WDR41: variants seen among roughly 807,000 people sequenced by gnomAD.
The protein encoded by WDR41 is WD repeat domain 41.
WDR41 carries 63 observed loss-of-function variants against 69.3 expected under a neutral mutation model. That is an observed-to-expected ratio of 0.91 (90% CI 0.74 to 1.12). The LOEUF (loss-of-function observed/expected upper bound fraction) is 1.12. Ranked by LOEUF, WDR41 falls within the 50% of genes most tolerant of loss-of-function variation. The pLI, the probability that WDR41 is intolerant of heterozygous loss-of-function variation, is 0.00. For missense variants in WDR41, 543 were observed against 534.5 expected, an observed-to-expected ratio of 1.02 and a Z score of -0.16; for synonymous variants, 185 against 192.1, an observed-to-expected ratio of 0.96 and a Z score of 0.31.
At chr5:77,568,128 T>C (rs1743669461) in intron 1 of WDR41, among the ~76,000 whole-genome samples, 1 of 152,118 alleles carries the variant, frequency 6.6e-6, no homozygotes, top group African/African-American at 2.4e-5. Context: ...CCAGGGTATA[T>C]AGAGCTTTAA....
At chr5:77,438,870 C>CA (rs1182486443) in intron 9 of WDR41, among the ~76,000 whole-genome samples, 6 of 152,076 alleles carry the variant, frequency 3.9e-5, no homozygotes, top group Non-Finnish European at 5.9e-5. Flanking sequence ...CTGAAGGTTT[C>CA]AAAAAACATT....
In WDR41 at chr5:77,433,192, G is replaced by A; in HGVS notation, c.1323C>T (p.Arg441=). ...CTAATTTTTGAAATAATCTTAAACT[G>A]CGCAATCCAGATTCTCGCTCTCCAT... ...WKNGERESGL[R]SLRLFQKLEE... is the part of the protein sequence containing the mutation. The change falls in exon 13 of 13, where the codon CGC becomes CGT. Residue 441 remains arginine, a synonymous_variant. Transcript: ENST00000296679. 6.2e-7 allele frequency: 1 copy of A among 1,613,950 alleles called. No individual in the cohort carries two copies. The highest frequency in any genetic ancestry group is 8.5e-7 in the Non-Finnish European group (1 of 1,179,940).
At chr5:77,435,428 A>AG (rs1474884100) in intron 12 of WDR41, among the ~76,000 whole-genome samples, 1 of 152,198 alleles carries the variant, frequency 6.6e-6, no homozygotes, top group Non-Finnish European at 1.5e-5. Context: ...AAGATCCATG[A>AG]GGGCAAGGAC....
chr5:77,465,998 A>G (rs1800289378), intron 2 of WDR41, among the ~76,000 whole-genome samples: 1 of 151,996 alleles, frequency 6.6e-6, no homozygotes, highest in Non-Finnish European at 1.5e-5. Flanking sequence ...TTCTTATTTC[A>G]AAATCCTTTG....
intron 1 of WDR41, among the ~76,000 whole-genome samples, chr5:77,502,365 A>G (rs904301042): frequency 1.3e-4 from 20 of 152,184 alleles, no homozygotes; most frequent in African/African-American, 4.8e-4. Flanking sequence ...GAAATATGGG[A>G]CTATGTGAAA....
chr5:77,474,509 G>T lies in WDR41; in HGVS notation c.168-9700C>A, dbSNP rs532089470. ...GAACTACTTGAAGAAAATTAGAGAA[G>T]CATCCAGATAGGGACTTGTAAAGGA... On this transcript the variant is annotated intron_variant, in intron 2 of 12. Transcript: ENST00000296679. Among the ~76,000 whole-genome samples the T allele has an allele frequency of 3.3e-5, 5 of 152,228 alleles. No individual in the cohort carries two copies. In the South Asian group the frequency reaches 1.0e-3, roughly 32 times the overall value.
At chr5:77,594,997 G>A (rs4518368) in intron 1 of WDR41, among the ~76,000 whole-genome samples, 34,585 of 151,962 alleles carry the variant, frequency 0.23, 4,809 homozygotes, top group African/African-American at 0.36. Flanking sequence ...ATGAGGAAAC[G>A]AGGGTTTATC....
At chr5:77,564,821 C>G (rs1056140302) in intron 1 of WDR41, among the ~76,000 whole-genome samples, 7 of 152,046 alleles carry the variant, frequency 4.6e-5, no homozygotes, top group Non-Finnish European at 7.4e-5. Flanking sequence ...CTACCATATA[C>G]TCAAACTCAA....
chr5:77,539,887 A>C (rs181355822), intron 1 of WDR41, among the ~76,000 whole-genome samples: 24 of 152,276 alleles, frequency 1.6e-4, no homozygotes, highest in African/African-American at 5.5e-4. Context: ...GGATTCTAAG[A>C]TGGTACCTAA....
intron 1 of WDR41, among the ~76,000 whole-genome samples, chr5:77,570,143 G>A (rs772522160): frequency 9.2e-5 from 14 of 152,146 alleles, no homozygotes; most frequent in Admixed American, 2.0e-4. Flanking sequence ...CTCCAACACA[G>A]CTATTTGATA....
chr5:77,468,343 T>C (rs1800398007), intron 2 of WDR41, among the ~76,000 whole-genome samples: 2 of 152,118 alleles, frequency 1.3e-5, no homozygotes, highest in South Asian at 2.1e-4. Context: ...TGTGATGCTA[T>C]AGGGTCTAGA....
intron 1 of WDR41, among the ~76,000 whole-genome samples, chr5:77,551,064 A>C (rs750168458): frequency 6.6e-6 from 1 of 152,130 alleles, no homozygotes; most frequent in Non-Finnish European, 1.5e-5. Context: ...AAGGAGAGAG[A>C]GAGGGGAGTA....
chr5:77,444,806 C>T (rs1051692822), intron 8 of WDR41, among the ~76,000 whole-genome samples: 1 of 152,208 alleles, frequency 6.6e-6, no homozygotes, highest in Non-Finnish European at 1.5e-5. Context: ...TAACAGACTA[C>T]TTGGTCATGT....
At chr5:77,445,696 C>G (rs957540636) in intron 8 of WDR41, among the ~76,000 whole-genome samples, 30 of 152,270 alleles carry the variant, frequency 2.0e-4, no homozygotes, top group Non-Finnish European at 3.7e-4. Flanking sequence ...TTAATAGATG[C>G]AGAAAAGGCC....
At chr5:77,517,657 T>TATATATATATATAC (rs1491454629) in intron 1 of WDR41, among the ~76,000 whole-genome samples, 1 of 136,656 alleles carries the variant, frequency 7.3e-6, no homozygotes, top group Non-Finnish European at 1.6e-5. Flanking sequence ...TATATATATA[T>TATATATATATATAC]ACCAGGCTAA....
In WDR41 at chr5:77,481,997, T is replaced by C. The variant is rs532973312; in HGVS notation, c.167+7460A>G. Among the ~76,000 whole-genome samples, 10 of 152,336 alleles carry C rather than the reference T, an allele frequency of 6.6e-5. No homozygotes were observed. The East Asian group carries it at 7.7e-4, about 12-fold the overall frequency. On this transcript the variant is annotated intron_variant, in intron 2 of 12. Transcript: ENST00000296679. ...GAAAACATTTTATTTCACAGAGGCA[T>C]AAATACCTTTTAAATTGGCATTTTT...
chr5:77,579,804 G>A (rs1450365575), intron 1 of WDR41, among the ~76,000 whole-genome samples: 1 of 152,140 alleles, frequency 6.6e-6, no homozygotes, highest in Non-Finnish European at 1.5e-5. Context: ...TATCTTCACT[G>A]ATTTAAAAAT....
intron 2 of WDR41, among the ~76,000 whole-genome samples, chr5:77,472,651 G>A (rs998448751): frequency 2.1e-4 from 32 of 152,162 alleles, no homozygotes; most frequent in African/African-American, 7.7e-4. Flanking sequence ...GCCAAATCAT[G>A]AGTGAACTCC....
rs977600030 is a variant in WDR41, at chr5:77,480,020, A to C, written c.167+9437T>G. ...CATCAAAAAGTGGGCGAAGGACATG[A>C]ACAGACACTTCTCAAAAGAAGACAT... On this transcript the variant is annotated intron_variant, in intron 2 of 12. Coordinates refer to ENST00000296679, the MANE Select transcript of WDR41 (RefSeq NM_018268.4). 8.5e-5 allele frequency: 13 copies of C among 152,268 alleles called. No individual in the cohort carries two copies. The South Asian group carries it at 1.7e-3, about 19-fold the overall frequency. 9.4% of individuals were successfully genotyped at this position (152,268 alleles called of 1,614,324 possible). A position where few individuals can be genotyped will look rare whatever the true frequency, so the allele number is the denominator to read the frequency against.
Sources: allele counts gnomAD v4.1 joint callset (sites outside exome capture counted in the v4.1 genomes callset), GRCh38; gene constraint gnomAD v4.1.1; transcripts MANE v1.5; gene names NCBI Gene and HGNC (gene_info 2026-07-23, HGNC 2026-07-21).